Variants in PADI3 observed in about 807,000 individuals in gnomAD.
The protein encoded by PADI3 is peptidyl arginine deiminase 3.
In PADI3, 53 loss-of-function variants were observed where a neutral mutation model predicts 71.5. The observed-to-expected ratio is 0.74, with a 90% CI of 0.59 to 0.93. The LOEUF is 0.93. PADI3 is among the 40% of genes least tolerant of loss of function. The pLI is 0.00. For synonymous variants in PADI3, 361 were observed against 347.5 expected, an observed-to-expected ratio of 1.04 and a Z score of -0.43; for missense variants, 821 against 868.0, an observed-to-expected ratio of 0.95 and a Z score of 0.68.
Position 17,282,937 on chromosome 1 carries a change from G to A in PADI3, c.1853G>A (p.Arg618Gln), listed in dbSNP as rs35624745. ...TGCTGCTGCCTGGAGGAGAAGGTGC[G>A]GTCCCTGCTGGAGCCGCTGGGCCTC... ...NGCCCLEEKV[R>Q]SLLEPLGLHC... Residue 618 changes from arginine to glutamine, a missense_variant, in exon 16 of 16, where the codon CGG (arginine) becomes CAG (glutamine). Transcript: ENST00000375460. 72 of 1,613,994 alleles carry A rather than the reference G, an allele frequency of 4.5e-5. No homozygotes were observed. The highest frequency in any genetic ancestry group is 2.9e-4 in the South Asian group (26 of 91,088).
At chr1:17,267,698 C>T (rs1331078346) in intron 5 of PADI3, 139 bp from the exon 6 acceptor site, 22 of 901,460 alleles carry the variant, frequency 2.4e-5, no homozygotes, top group African/African-American at 3.3e-5. Flanking sequence ...TTCTTGATGG[C>T]TTCCAGGGTT....
intron 11 of PADI3, 140 bp downstream of exon 11, chr1:17,274,926 G>GAACACCCACCAACCCCACCACATCC: frequency 1.2e-6 from 1 of 851,842 alleles, no homozygotes; most frequent in Non-Finnish European, 1.8e-6. Flanking sequence ...CGGATGTGCT[G>GAACACCCACCAACCCCACCACATCC]GGGTTGGTGG....
chr1:17,276,668 GAACTTCGT>G lies in PADI3; in HGVS notation c.1452+6_1452+13del, dbSNP rs2073336269. 1 of 1,614,074 alleles carries G rather than the reference GAACTTCGT, an allele frequency of 6.2e-7. No homozygotes were observed. Among genetic ancestry groups the G allele is most frequent in the Non-Finnish European group, 8.5e-7 (1 of 1,180,016 alleles). Reference sequence around the variant, plus strand: ...GTCCCTGCCCCCGATGGGAAGGTAAGAACTTCGTGCATGACGTGTCTTTCCCTGGCATC... The same window carrying G: ...GTCCCTGCCCCCGATGGGAAGGTAAGGCATGACGTGTCTTTCCCTGGCATC... On this transcript the variant is annotated splice_donor_region_variant and intron_variant, in intron 12 of 15. Transcript: ENST00000375460.
At position 17,265,567 on chromosome 1, in the gene PADI3, C is replaced by G. The variant is rs568416599; in HGVS notation, c.347-92C>G. On this transcript the variant is annotated intron_variant, in intron 3 of 15. Transcript: ENST00000375460. ...ATGGTGTCTCCTTAGAAATGACTTG[C>G]CTTTGCTCAGCCCCAGACAAGCCCT... 65 of 1,116,342 alleles carry G rather than the reference C, an allele frequency of 5.8e-5. No individual in the cohort carries two copies. The African/African-American group carries it at 7.2e-4, about 12-fold the overall frequency. The allele number at this position is 1,116,342 out of a possible 1,614,324, so 69.2% of individuals were successfully genotyped here. A position where few individuals can be genotyped will look rare whatever the true frequency, so the allele number is the denominator to read the frequency against.
Position 17,259,622 on chromosome 1 carries a change from C to G in PADI3, c.137C>G (p.Pro46Arg), listed in dbSNP as rs765620074. The G allele has an allele frequency of 6.2e-7, 1 of 1,613,030 alleles. No homozygotes were observed. Among genetic ancestry groups the G allele is most frequent in the African/African-American group, 1.3e-5 (1 of 74,910 alleles). ...GTEMFEVYGT[P>R]GVDIYISPNM... ...GAAATGTTTGAGGTCTATGGGACGC[C>G]TGGCGTGGACATCTACATCTCTCCC... The change falls in exon 2 of 16, where the codon CCT (proline) becomes CGT (arginine). Residue 46 changes from proline to arginine, a missense_variant. By Grantham distance (103) the Pro-to-Arg change is moderately radical. Transcript: ENST00000375460.
chr1:17,258,628 T>A (rs2073058584), intron 1 of PADI3, among the ~76,000 whole-genome samples: 1 of 152,250 alleles, frequency 6.6e-6, no homozygotes, highest in South Asian at 2.1e-4. Flanking sequence ...CTCTGCCATG[T>A]GATGCAACCT....
At chr1:17,260,253 G>T (rs111641034) in intron 2 of PADI3, among the ~76,000 whole-genome samples, 1 of 152,288 alleles carries the variant, frequency 6.6e-6, no homozygotes, top group East Asian at 1.9e-4. Flanking sequence ...TCCCCAAGGC[G>T]CTTTGCTGTC....
In PADI3 at chr1:17,279,527, C is replaced by T. The variant is rs541150650; in HGVS notation, c.1556-823C>T. 1.1e-4 allele frequency among the ~76,000 whole-genome samples: 17 copies of T among 152,252 alleles called. 1 individual carries two copies. Among genetic ancestry groups the T allele is most frequent in the African/African-American group, 4.1e-4 (17 of 41,548 alleles). On this transcript the variant is annotated intron_variant, in intron 13 of 15. Coordinates refer to ENST00000375460, the MANE Select transcript of PADI3 (RefSeq NM_016233.2). ...ATGGGTCAGGGGAGCCCTCTCCTTT[C>T]CCTTGGTCAAGGCTTGAGGCCCTGT...
intron 14 of PADI3, 90 bp from the exon 15 acceptor site, chr1:17,280,581 C>A (rs2073387848): frequency 4.4e-6 from 7 of 1,583,814 alleles, no homozygotes; most frequent in Non-Finnish European, 6.1e-6. Context: ...TCTTTTGACC[C>A]AGAAGAAGTG....
rs750156839 is a variant in PADI3 at position 17,271,097 on chromosome 1, G to T, written c.966G>T (p.Ala322=). 2 of 1,614,052 alleles carry T rather than the reference G, an allele frequency of 1.2e-6. No individual in the cohort carries two copies. Among genetic ancestry groups the T allele is most frequent in the Non-Finnish European group, 1.7e-6 (2 of 1,180,008 alleles). The change falls in exon 9 of 16, where the codon GCG becomes GCT. Residue 322 remains alanine, a synonymous_variant. Transcript: ENST00000375460. ...RVRNNTCFVD[A]VAELARKAGC... is the part of the protein sequence containing the mutation. The stretch of plus-strand genomic sequence containing the variant: ...GGAACAACACGTGTTTTGTGGATGC[G>T]GTGGCAGAGCTGGCCAGGAAGGCCG...
intron 13 of PADI3, among the ~76,000 whole-genome samples, chr1:17,278,508 G>A (rs1458788587): frequency 6.6e-6 from 1 of 152,180 alleles, no homozygotes; most frequent in Non-Finnish European, 1.5e-5. Flanking sequence ...GATTACAGGT[G>A]TGAACTACTG....
chr1:17,260,732 A>G (rs1460240383), intron 2 of PADI3, among the ~76,000 whole-genome samples: 1 of 152,242 alleles, frequency 6.6e-6, no homozygotes, highest in Non-Finnish European at 1.5e-5. Context: ...AAGAAAACTA[A>G]GAAGGAGAAG....
Position 17,276,645 on chromosome 1 carries a change from C to A in PADI3, c.1434C>A (p.Val478=), listed in dbSNP as rs546789084. ...VGHVDEFLSF[V]PAPDGKGFRM... ...ATGTGGATGAGTTTCTGAGCTTTGT[C>A]CCTGCCCCCGATGGGAAGGTAAGAA... Residue 478 remains valine, a synonymous_variant, in exon 12 of 16, where the codon GTC becomes GTA. Transcript: ENST00000375460. The A allele has an allele frequency of 6.2e-7, 1 of 1,614,160 alleles. No homozygotes were observed. Among genetic ancestry groups the A allele is most frequent in the Admixed American group, 1.7e-5 (1 of 60,000 alleles).
intron 15 of PADI3, 108 bp downstream of exon 15, chr1:17,280,904 G>T (rs1199467399): frequency 2.1e-5 from 29 of 1,370,228 alleles, no homozygotes; most frequent in Non-Finnish European, 2.9e-5. Flanking sequence ...GGTGGCCAGT[G>T]GGGGTGGCAG....
Position 17,270,734 on chromosome 1 carries a change from A to G in PADI3, c.832-145A>G, listed in dbSNP as rs1431768744. 24 of 657,836 alleles carry G rather than the reference A, an allele frequency of 3.6e-5. 1 individual carries two copies. The highest frequency in any genetic ancestry group is 6.2e-5 in the Non-Finnish European group (23 of 372,196). The allele number at this position is 657,836 out of a possible 1,614,324, so 40.7% of individuals were successfully genotyped here. A position where few individuals can be genotyped will look rare whatever the true frequency, so the allele number is the denominator to read the frequency against. On this transcript the variant is annotated intron_variant, in intron 7 of 15. Transcript: ENST00000375460. Reference sequence around the variant, plus strand: ...AGGCACCACTGGTGTGAAAGACCCCAGACTTCTTGACCACCCCTCTGGTTC... The same window carrying G: ...AGGCACCACTGGTGTGAAAGACCCCGGACTTCTTGACCACCCCTCTGGTTC...
intron 3 of PADI3, among the ~76,000 whole-genome samples, chr1:17,263,872 C>G (rs1030943579): frequency 6.6e-6 from 1 of 152,114 alleles, no homozygotes; most frequent in Non-Finnish European, 1.5e-5. Flanking sequence ...TAAAAGATGC[C>G]TAAATGAGCA....
intron 13 of PADI3, among the ~76,000 whole-genome samples, chr1:17,278,830 G>A (rs533745111): frequency 6.6e-6 from 1 of 152,244 alleles, no homozygotes; most frequent in African/African-American, 2.4e-5. Flanking sequence ...AGCTCCTGTA[G>A]AACTTAGACG....
In PADI3 at chr1:17,274,184, G is replaced by T. The variant is rs541023263; in HGVS notation, c.1156-451G>T. ...TTGTCGAAGTTGCTTCTGAGAGATA[G>T]CCCTGGGGAGGTCTCCCCTTCTCTA... On this transcript the variant is annotated intron_variant, in intron 10 of 15. Transcript: ENST00000375460. Among the ~76,000 whole-genome samples, 3 of 152,166 alleles carry T rather than the reference G, an allele frequency of 2.0e-5. No homozygotes were observed. The South Asian group carries it at 6.2e-4, about 32-fold the overall frequency.
intron 2 of PADI3, 132 bp from the exon 3 acceptor site, chr1:17,262,001 G>T: frequency 1.4e-6 from 1 of 707,882 alleles, no homozygotes; most frequent in Non-Finnish European, 2.4e-6. Flanking sequence ...AAAATAAATG[G>T]CACAGAGGAG....
Sources: allele counts gnomAD v4.1 joint callset (sites outside exome capture counted in the v4.1 genomes callset), GRCh38; gene constraint gnomAD v4.1.1; transcripts MANE v1.5; gene names NCBI Gene and HGNC (gene_info 2026-07-23, HGNC 2026-07-21).